Variants in ARHGEF38 observed in about 807,000 individuals in gnomAD.
The protein encoded by ARHGEF38 is Rho guanine nucleotide exchange factor (GEF) 38.
In ARHGEF38, 79 loss-of-function variants were observed where a neutral mutation model predicts 79.9. The ratio of observed to expected loss-of-function variants is 0.99; its 90% CI spans 0.82 to 1.19. ARHGEF38 has a LOEUF of 1.19. Among genes scored for constraint, ARHGEF38 ranks in the 50% most tolerant of loss-of-function variants. ARHGEF38 has a pLI of 0.00. For synonymous variants in ARHGEF38, 366 were observed against 328.3 expected (o/e 1.11, Z -1.24); for missense variants, 962 against 907.2 (o/e 1.06, Z -0.78).
chr4:105,583,333 C>T (rs2593305), intron 1 of ARHGEF38, among the ~76,000 whole-genome samples: 130,701 of 152,218 alleles, frequency 0.86, 56,191 homozygotes, highest in South Asian at 0.93. Context: ...TTAGAAGTCT[C>T]CACAATCTCT....
At chr4:105,594,872 C>T (rs977639626) in intron 2 of ARHGEF38, among the ~76,000 whole-genome samples, 1 of 152,152 alleles carries the variant, frequency 6.6e-6, no homozygotes, top group Non-Finnish European at 1.5e-5. Flanking sequence ...AAACGTTATC[C>T]ACATCAGTTA....
At chr4:105,648,899 GA>G (rs1729973587) in intron 7 of ARHGEF38, among the ~76,000 whole-genome samples, 2 of 150,746 alleles carry the variant, frequency 1.3e-5, no homozygotes, top group African/African-American at 4.9e-5. Flanking sequence ...GTGGGAATAG[GA>G]TTGACACTGT....
At chr4:105,623,691 G>A (rs1292775234) in intron 3 of ARHGEF38, among the ~76,000 whole-genome samples, 3 of 152,088 alleles carry the variant, frequency 2.0e-5, no homozygotes, top group Non-Finnish European at 4.4e-5. Context: ...TGTTAGAACT[G>A]GACTAATATT....
intron 1 of ARHGEF38, among the ~76,000 whole-genome samples, chr4:105,574,638 A>G (rs1298949573): frequency 6.6e-6 from 1 of 151,542 alleles, no homozygotes; most frequent in East Asian, 1.9e-4. Context: ...TTTCACCATT[A>G]AGTATGATGT....
intron 2 of ARHGEF38, among the ~76,000 whole-genome samples, chr4:105,591,520 T>C (rs747907625): frequency 2.6e-5 from 4 of 152,136 alleles, no homozygotes; most frequent in South Asian, 2.1e-4. Context: ...TGAGCCACCA[T>C]GCCCGGCCTC....
At chr4:105,587,193 A>G (rs1489004120) in intron 1 of ARHGEF38, among the ~76,000 whole-genome samples, 1 of 152,122 alleles carries the variant, frequency 6.6e-6, no homozygotes, top group South Asian at 2.1e-4. Flanking sequence ...TTGTAATCCC[A>G]GTGCTTCGGG....
At chr4:105,640,217 A>T (rs1411024970) in intron 5 of ARHGEF38, among the ~76,000 whole-genome samples, 2 of 152,096 alleles carry the variant, frequency 1.3e-5, no homozygotes, top group Admixed American at 1.3e-4. Flanking sequence ...ATTTTGTTAG[A>T]GCAATAATCA....
intron 10 of ARHGEF38, among the ~76,000 whole-genome samples, chr4:105,662,694 T>C (rs1334195431): frequency 6.6e-6 from 1 of 152,184 alleles, no homozygotes; most frequent in Non-Finnish European, 1.5e-5. Flanking sequence ...CACATTTAAT[T>C]TGCAAATTAT....
At chr4:105,579,658 T>C (rs1167540962) in intron 1 of ARHGEF38, among the ~76,000 whole-genome samples, 11 of 152,318 alleles carry the variant, frequency 7.2e-5, no homozygotes, top group Admixed American at 3.3e-4. Context: ...GATTTTTGCA[T>C]TGATGTTCAC....
intron 10 of ARHGEF38, among the ~76,000 whole-genome samples, chr4:105,663,445 TC>T (rs1212647465): frequency 6.6e-6 from 1 of 152,142 alleles, no homozygotes; most frequent in East Asian, 1.9e-4. Context: ...GAAACTATAC[TC>T]ATTAAACAAG....
chr4:105,642,036 A>G (rs1297557671), intron 5 of ARHGEF38, among the ~76,000 whole-genome samples: 3 of 152,134 alleles, frequency 2.0e-5, no homozygotes, highest in Non-Finnish European at 4.4e-5. Context: ...ACGTTTGTTT[A>G]CTTACTGTGG....
chr4:105,657,592 G>C (rs1414917139), intron 9 of ARHGEF38, among the ~76,000 whole-genome samples: 1 of 148,676 alleles, frequency 6.7e-6, no homozygotes, highest in Non-Finnish European at 1.5e-5. Flanking sequence ...TGAGTCACTG[G>C]ATATATATAT....
intron 1 of ARHGEF38, among the ~76,000 whole-genome samples, chr4:105,588,968 A>G (rs1281515453): frequency 6.6e-6 from 1 of 152,218 alleles, no homozygotes; most frequent in Non-Finnish European, 1.5e-5. Flanking sequence ...CTCCAGGCTG[A>G]ATACCGGCTT....
At chr4:105,681,027 T>C (rs997983586), downstream of ARHGEF38, 16 of 152,284 alleles carry the variant, frequency 1.1e-4, no homozygotes, top group Admixed American at 6.5e-5. Flanking sequence ...ATTATGGATA[T>C]GTATTTTTTG....
chr4:105,660,930 C>T (rs2110566963), intron 10 of ARHGEF38, among the ~76,000 whole-genome samples: 1 of 152,240 alleles, frequency 6.6e-6, no homozygotes. Flanking sequence ...ATTGCCACAA[C>T]CAATTTTAGA....
chr4:105,653,679 A>C (rs1267823836), intron 7 of ARHGEF38, among the ~76,000 whole-genome samples: 1 of 152,250 alleles, frequency 6.6e-6, no homozygotes, highest in Admixed American at 6.5e-5. Context: ...CATACGAACA[A>C]AACAAGAAGT....
rs569008337 is a variant in ARHGEF38 at position 105,654,075 on chromosome 4, A to G, written c.1019A>G (p.Asn340Ser). The G allele has an allele frequency of 4.3e-5, 63 of 1,479,816 alleles. 2 individuals are homozygous for G. The South Asian group carries it at 5.4e-4, about 13-fold the overall frequency. 91.7% of individuals were successfully genotyped at this position (1,479,816 alleles called of 1,614,324 possible). Residue 340 changes from asparagine (N) to serine (S), a missense_variant, in exon 8 of 14, where the codon AAT becomes AGT. By Grantham distance (46) the Asn-to-Ser change is conservative. Coordinates refer to ENST00000420470, the MANE Select transcript of ARHGEF38 (RefSeq NM_001242729.2). ...TCATATATATTTTAGGTTAAAGACA[A>G]TACCTTTAACAGAGAAGAAAAGCTG... ...LTRGESQVKD[N>S]TFNREEKLFR...
At chr4:105,646,750 AC>A (rs1729858221) in intron 6 of ARHGEF38, among the ~76,000 whole-genome samples, 1 of 152,230 alleles carries the variant, frequency 6.6e-6, no homozygotes, top group Non-Finnish European at 1.5e-5. Flanking sequence ...ATTATACACT[AC>A]AATACCACAA....
At chr4:105,615,717 G>T (rs990519793) in intron 3 of ARHGEF38, among the ~76,000 whole-genome samples, 1 of 152,120 alleles carries the variant, frequency 6.6e-6, no homozygotes, top group Non-Finnish European at 1.5e-5. Context: ...ATCTCTTTTA[G>T]TAGAGTGTAA....
Sources: allele counts gnomAD v4.1 joint callset (sites outside exome capture counted in the v4.1 genomes callset), GRCh38; gene constraint gnomAD v4.1.1; transcripts MANE v1.5; gene names NCBI Gene and HGNC (gene_info 2026-07-23, HGNC 2026-07-21).